Variants in ATRNL1 observed in about 807,000 individuals in gnomAD.
The protein encoded by ATRNL1 is attractin-like protein 1.
ATRNL1 carries 95 observed loss-of-function variants against 182.7 expected under a neutral mutation model. That is an observed-to-expected ratio of 0.52 (90% CI 0.44 to 0.62). ATRNL1 has a LOEUF of 0.62. Ranked by LOEUF, ATRNL1 falls within the 20% of genes least tolerant of loss-of-function variation. The pLI is 0.00. For synonymous variants in ATRNL1, 576 were observed against 568.3 expected (o/e 1.01, Z -0.19); for missense variants, 1,471 against 1,679.5 (o/e 0.88, Z 2.17).
chr10:115,445,390 C>G (rs1302641468), intron 21 of ATRNL1, among the ~76,000 whole-genome samples: 2 of 139,314 alleles, frequency 1.4e-5, no homozygotes, highest in Non-Finnish European at 3.0e-5. Context: ...AAGAGTGTGC[C>G]ACTGCACTCC....
intron 19 of ATRNL1, among the ~76,000 whole-genome samples, chr10:115,389,365 C>G (rs940529351): frequency 6.7e-6 from 1 of 150,300 alleles, no homozygotes; most frequent in African/African-American, 2.4e-5. Flanking sequence ...ATTAGCCAGG[C>G]GGGCATTAGT....
chr10:115,515,445 G>C (rs1254693876), intron 24 of ATRNL1, among the ~76,000 whole-genome samples: 3 of 149,510 alleles, frequency 2.0e-5, no homozygotes, highest in Non-Finnish European at 3.0e-5. Context: ...GATTGCATTT[G>C]TTAATTTCTA....
chr10:115,450,488 A>G (rs1478009860), intron 21 of ATRNL1, among the ~76,000 whole-genome samples: 4 of 152,318 alleles, frequency 2.6e-5, no homozygotes, highest in South Asian at 4.2e-4. Flanking sequence ...TGCACCAACA[A>G]TAGCCAAGCT....
chr10:115,739,302 C>T (rs1353172761), intron 27 of ATRNL1, among the ~76,000 whole-genome samples: 2 of 152,066 alleles, frequency 1.3e-5, no homozygotes, highest in African/African-American at 4.8e-5. Flanking sequence ...TTTTATACAG[C>T]ATCCTTGCAA....
intron 26 of ATRNL1, among the ~76,000 whole-genome samples, chr10:115,580,223 T>C (rs1407583309): frequency 1.3e-5 from 2 of 152,106 alleles, no homozygotes; most frequent in South Asian, 2.1e-4. Flanking sequence ...TTCATTCATG[T>C]TGCTGTTTGG....
intron 14 of ATRNL1, among the ~76,000 whole-genome samples, chr10:115,283,264 T>G (rs965772464): frequency 6.6e-6 from 1 of 151,638 alleles, no homozygotes; most frequent in Admixed American, 6.6e-5. Context: ...AAATACAAAA[T>G]TTAGCTGGGT....
rs782543961 is a variant in ATRNL1 at position 115,917,469 on chromosome 10, C to CAAAA, written c.4019-27176_4019-27173dup. Reference sequence around the variant, plus strand: ...TGGGCAACAGAGCAAGACTCTGTCTCAAAAAAAAAAAAAAAAGAAAAAAAA... The same window carrying CAAAA: ...TGGGCAACAGAGCAAGACTCTGTCTCAAAAAAAAAAAAAAAAAAAAGAAAAAAAA... On this transcript the variant is annotated intron_variant, in intron 28 of 28. Coordinates refer to ENST00000355044, the MANE Select transcript of ATRNL1 (RefSeq NM_207303.4). Among the ~76,000 whole-genome samples the CAAAA allele has an allele frequency of 3.9e-3, 370 of 95,202 alleles. 7 individuals carry two copies. The highest frequency in any genetic ancestry group is 5.3e-3 in the Non-Finnish European group (281 of 53,052). The allele number at this position is 95,202 out of a possible 152,430, so 62.5% of individuals were successfully genotyped here.
At chr10:115,690,630 A>G (rs1382214696) in intron 26 of ATRNL1, among the ~76,000 whole-genome samples, 3 of 152,174 alleles carry the variant, frequency 2.0e-5, no homozygotes, top group African/African-American at 7.2e-5. Context: ...ACTTTAGTGG[A>G]CACTGGGTGG....
intron 28 of ATRNL1, among the ~76,000 whole-genome samples, chr10:115,939,405 C>T (rs782605862): frequency 1.1e-4 from 16 of 152,126 alleles, no homozygotes; most frequent in Admixed American, 2.6e-4. Flanking sequence ...GTTTATACTT[C>T]CTATTTAAAT....
intron 26 of ATRNL1, among the ~76,000 whole-genome samples, chr10:115,716,081 A>T (rs1565313037): frequency 6.6e-6 from 1 of 152,078 alleles, no homozygotes; most frequent in Non-Finnish European, 1.5e-5. Flanking sequence ...ATTGAAATTC[A>T]TTTTTTTTAA....
At chr10:115,802,785 T>G (rs1465928916) in intron 27 of ATRNL1, among the ~76,000 whole-genome samples, 2 of 152,204 alleles carry the variant, frequency 1.3e-5, no homozygotes, top group African/African-American at 4.8e-5. Flanking sequence ...GTCAGAAGCC[T>G]ATAAGGCTAA....
At chr10:115,260,833 C>G (rs1488301854) in intron 10 of ATRNL1, among the ~76,000 whole-genome samples, 1 of 151,666 alleles carries the variant, frequency 6.6e-6, no homozygotes, top group Non-Finnish European at 1.5e-5. Context: ...GAATAATGGA[C>G]AAATGGAAAA....
intron 28 of ATRNL1, among the ~76,000 whole-genome samples, chr10:115,901,362 A>G (rs1555113506): frequency 6.6e-6 from 1 of 152,218 alleles, no homozygotes; most frequent in Non-Finnish European, 1.5e-5. Flanking sequence ...GCCTCACTCA[A>G]GTCTATTTTG....
chr10:115,271,747 T>C (rs1851876941), intron 13 of ATRNL1, among the ~76,000 whole-genome samples: 1 of 152,180 alleles, frequency 6.6e-6, no homozygotes, highest in African/African-American at 2.4e-5. Context: ...AAACCTTTAT[T>C]CTTGAAGGGT....
intron 28 of ATRNL1, among the ~76,000 whole-genome samples, chr10:115,861,374 CT>C (rs1312868335): frequency 6.6e-6 from 1 of 152,276 alleles, no homozygotes; most frequent in Non-Finnish European, 1.5e-5. Context: ...AGACAATTTG[CT>C]TAATTATTTC....
At chr10:115,385,218 G>C (rs547911342) in intron 19 of ATRNL1, among the ~76,000 whole-genome samples, 80 of 152,078 alleles carry the variant, frequency 5.3e-4, no homozygotes, top group African/African-American at 1.9e-3. Context: ...ATTTAGTGTC[G>C]TCAACCTTTT....
chr10:115,778,453 G>T (rs1481531253), intron 27 of ATRNL1, among the ~76,000 whole-genome samples: 1 of 152,222 alleles, frequency 6.6e-6, no homozygotes, highest in African/African-American at 2.4e-5. Flanking sequence ...AAGTATTTAT[G>T]CAGGAGGTAA....
At chr10:115,682,690 G>A (rs782808887) in intron 26 of ATRNL1, among the ~76,000 whole-genome samples, 6 of 152,052 alleles carry the variant, frequency 3.9e-5, no homozygotes, top group Non-Finnish European at 7.4e-5. Flanking sequence ...TGATGATGAT[G>A]ATGATGATGA....
intron 13 of ATRNL1, among the ~76,000 whole-genome samples, chr10:115,271,178 A>G (rs1229276741): frequency 1.4e-5 from 2 of 144,928 alleles, no homozygotes; most frequent in East Asian, 3.9e-4. Context: ...ACACACACAC[A>G]CACACACACA....
Sources: allele counts gnomAD v4.1 joint callset (sites outside exome capture counted in the v4.1 genomes callset), GRCh38; gene constraint gnomAD v4.1.1; transcripts MANE v1.5; gene names NCBI Gene and HGNC (gene_info 2026-07-23, HGNC 2026-07-21).